DDX11: variants seen among roughly 807,000 people sequenced by gnomAD.
DDX11 encodes the protein ATP-dependent DNA helicase DDX11.
DDX11 carries 72 observed loss-of-function variants against 125.2 expected under a neutral mutation model. The observed-to-expected ratio is 0.58, with a 90% CI of 0.48 to 0.70. The LOEUF is 0.70. Among genes scored for constraint, DDX11 ranks in the 30% least tolerant of loss-of-function variants. The probability of loss-of-function intolerance (pLI) is 0.00; values close to 1 mark genes in which losing one functional copy is unlikely to be tolerated. For synonymous variants in DDX11, 347 were observed against 452.6 expected, an observed-to-expected ratio of 0.77 and a Z score of 2.96; for missense variants, 883 against 1,165.0, an observed-to-expected ratio of 0.76 and a Z score of 3.52.
intron 21 of DDX11, 72 bp from the exon 22 acceptor site, chr12:31,102,171 A>G: frequency 6.5e-7 from 1 of 1,535,452 alleles, no homozygotes. Context: ...GCCAGAAAAC[A>G]CAAGGCCACG....
Position 31,096,328 on chromosome 12 carries a change from T to C in DDX11, c.1483-13T>C, listed in dbSNP as rs760857858. ...TTTGCACTCATGCCTACAGCTGGGC[T>C]TGGTTTTTGCAGGTGCAGCGATACT... On this transcript the variant is annotated splice_polypyrimidine_tract_variant and intron_variant, in intron 14 of 26. Coordinates refer to ENST00000542838, the MANE Select transcript of DDX11 (RefSeq NM_030653.4). 11 of 1,599,276 alleles carry C rather than the reference T, an allele frequency of 6.9e-6. No individual in the cohort carries two copies. Among genetic ancestry groups the C allele is most frequent in the Middle Eastern group, 1.8e-4 (1 of 5,688 alleles).
intron 5 of DDX11, chr12:31,085,885 G>C (rs937857189): frequency 5.8e-5 from 21 of 364,326 alleles, no homozygotes; most frequent in Middle Eastern, 9.7e-4. Flanking sequence ...TGGATGGGGT[G>C]GGGGGCTGCA....
intron 18 of DDX11, 106 bp downstream of exon 18, chr12:31,098,103 A>G: frequency 1.3e-6 from 1 of 769,860 alleles, no homozygotes; most frequent in Non-Finnish European, 2.2e-6. Context: ...CCCAAGCCAG[A>G]AAGGGTCAGC....
intron 4 of DDX11, 123 bp from the exon 5 acceptor site, chr12:31,084,846 C>T (rs1942768819): frequency 1.5e-6 from 2 of 1,304,362 alleles, no homozygotes; most frequent in Middle Eastern, 1.9e-4. Flanking sequence ...GTCGACCTCT[C>T]TCCAGCCAGG....
At chr12:31,078,559 T>C in intron 2 of DDX11, 22 bp downstream of exon 2, 2 of 1,611,920 alleles carry the variant, frequency 1.2e-6, no homozygotes, top group Non-Finnish European at 8.5e-7. Context: ...CAGTGAGAGA[T>C]ACTGAAAAGG....
At chr12:31,098,711 C>T (rs1191634360) in intron 18 of DDX11, among the ~76,000 whole-genome samples, 4 of 152,164 alleles carry the variant, frequency 2.6e-5, no homozygotes, top group Non-Finnish European at 4.4e-5. Context: ...GCTGCCTTAG[C>T]TTTTGATTTT....
chr12:31,082,477 T>G (rs952685641), intron 2 of DDX11, among the ~76,000 whole-genome samples: 1 of 152,070 alleles, frequency 6.6e-6, no homozygotes, highest in African/African-American at 2.4e-5. Flanking sequence ...CTGTGGAGTT[T>G]GAGACTCTGA....
At chr12:31,078,350 C>A (rs755509483) in intron 1 of DDX11, 40 bp from the exon 2 acceptor site, 2 of 1,599,992 alleles carry the variant, frequency 1.3e-6, no homozygotes, top group Non-Finnish European at 1.7e-6. Context: ...TCTTCCTGGA[C>A]CATGAGAGAG....
chr12:31,085,782 G>A (rs1033695513), intron 5 of DDX11, among the ~76,000 whole-genome samples: 3 of 152,200 alleles, frequency 2.0e-5, no homozygotes, highest in African/African-American at 7.2e-5. Flanking sequence ...TAGAAGGGAA[G>A]AAGACATGGA....
Position 31,101,208 on chromosome 12 carries a change from C to T in DDX11, c.2052+78C>T, listed in dbSNP as rs144768136. ...TTTTCTGGGGCAGGGGCGCTCTGGC[C>T]CACCCTGAGTGTTTTCAGTGTTGGG... On this transcript the variant is annotated intron_variant, in intron 20 of 26. Coordinates refer to ENST00000542838, the MANE Select transcript of DDX11 (RefSeq NM_030653.4). 70 of 1,255,118 alleles carry T rather than the reference C, an allele frequency of 5.6e-5. No individual in the cohort carries two copies. The African/African-American group carries it at 8.3e-4, about 15-fold the overall frequency. 77.7% of individuals were successfully genotyped at this position (1,255,118 alleles called of 1,614,324 possible).
chr12:31,077,545 C>T (rs555644955), intron 1 of DDX11, among the ~76,000 whole-genome samples: 1 of 152,056 alleles, frequency 6.6e-6, no homozygotes, highest in Non-Finnish European at 1.5e-5. Context: ...ACTAAAGATA[C>T]TTGTAAGATA....
intron 2 of DDX11, among the ~76,000 whole-genome samples, chr12:31,083,345 T>G: frequency 6.7e-6 from 1 of 149,762 alleles, no homozygotes; most frequent in South Asian, 2.1e-4. Flanking sequence ...ACACAAACCG[T>G]AAGCACTGGC....
At chr12:31,078,935 C>G (rs917517513) in intron 2 of DDX11, among the ~76,000 whole-genome samples, 9 of 152,184 alleles carry the variant, frequency 5.9e-5, no homozygotes, top group Admixed American at 4.6e-4. Flanking sequence ...GATCCGCCCG[C>G]TTCGGCCTCC....
intron 18 of DDX11, among the ~76,000 whole-genome samples, chr12:31,099,860 A>G (rs1384737929): frequency 1.3e-5 from 2 of 152,062 alleles, no homozygotes; most frequent in Non-Finnish European, 2.9e-5. Context: ...CCCATAGGGA[A>G]TCCGTTTTAC....
intron 5 of DDX11, chr12:31,086,306 G>C (rs1257185007): frequency 2.5e-6 from 1 of 392,884 alleles, no homozygotes; most frequent in African/African-American, 2.1e-5. Context: ...GGCTGGGCTC[G>C]AGCTGCTTCA....
Position 31,097,001 on chromosome 12 carries a change from G to T in DDX11, c.1762+11G>T. 15 of 1,613,298 alleles carry T rather than the reference G, an allele frequency of 9.3e-6. No homozygotes were observed. The highest frequency in any genetic ancestry group is 1.2e-5 in the Non-Finnish European group (14 of 1,179,742). On this transcript the variant is annotated intron_variant, in intron 17 of 26. Coordinates refer to ENST00000542838, the MANE Select transcript of DDX11 (RefSeq NM_030653.4). The stretch of plus-strand genomic sequence containing the variant: ...TCCTGAGCCGCCAAGGTAATCAGGT[G>T]GTTCTTGGCCAGGTTCAGTTCCCAG...
chr12:31,102,041 G>GGAGC, intron 21 of DDX11, 59 bp downstream of exon 21: 1 of 1,593,280 alleles, frequency 6.3e-7, no homozygotes, highest in Non-Finnish European at 8.6e-7. Context: ...AGTCCTCCTG[G>GGAGC]GAGCTCTCGT....
chr12:31,082,986 G>A lies in DDX11; in HGVS notation c.145-827G>A, dbSNP rs564359408. On this transcript the variant is annotated intron_variant, in intron 2 of 26. Coordinates refer to ENST00000542838, the MANE Select transcript of DDX11 (RefSeq NM_030653.4). ...ATATTAGCCCTTTAGGCTGGGTCCC[G>A]TCCTAGTAGTCTCATCTTAACTAAT... Among the ~76,000 whole-genome samples the A allele has an allele frequency of 3.2e-3, 488 of 152,220 alleles. 2 individuals are homozygous for A. The highest frequency in any genetic ancestry group is 4.4e-3 in the Non-Finnish European group (300 of 68,016).
intron 17 of DDX11, 69 bp downstream of exon 17, chr12:31,097,059 G>C: frequency 6.3e-7 from 1 of 1,598,004 alleles, no homozygotes; most frequent in Non-Finnish European, 8.5e-7. Context: ...GAGCCGCAGC[G>C]TGAAAGGATT....
Sources: allele counts gnomAD v4.1 joint callset (sites outside exome capture counted in the v4.1 genomes callset), GRCh38; gene constraint gnomAD v4.1.1; transcripts MANE v1.5; gene names NCBI Gene and HGNC (gene_info 2026-07-23, HGNC 2026-07-21).